The following STT3B variants were observed in gnomAD, a reference collection of about 807,000 sequenced individuals.
STT3B encodes STT3 oligosaccharyltransferase complex catalytic subunit B, also known as dolichyl-diphosphooligosaccharide--protein glycosyltransferase subunit STT3B.
In STT3B, 29 loss-of-function variants were observed where a neutral mutation model predicts 96.8. The ratio of observed to expected loss-of-function variants is 0.30; its 90% confidence interval spans 0.22 to 0.41. The LOEUF (loss-of-function observed/expected upper bound fraction) is 0.41, where lower values mean the gene tolerates loss of function less well. Among genes scored for constraint, STT3B ranks in the 10% least tolerant of loss-of-function variants. The pLI, the probability that STT3B is intolerant of heterozygous loss-of-function variation, is 1.00. For missense variants in STT3B, 640 were observed against 1,022.3 expected (o/e 0.63, Z 5.10); for synonymous variants, 367 against 360.0 (o/e 1.02, Z -0.22).
intron 5 of STT3B, among the ~76,000 whole-genome samples, chr3:31,608,045 A>G (rs1320646076): frequency 1.3e-5 from 2 of 152,182 alleles, no homozygotes; most frequent in African/African-American, 4.8e-5. Context: ...GAGGCTGTAC[A>G]GTTTTATGTT....
intron 5 of STT3B, among the ~76,000 whole-genome samples, chr3:31,602,843 A>G (rs1010585838): frequency 1.3e-5 from 2 of 152,100 alleles, no homozygotes; most frequent in African/African-American, 4.8e-5. Context: ...TCTTTTACTT[A>G]TAATTATCCA....
Position 31,636,121 on chromosome 3 carries a change from C to T in STT3B, c.*57C>T. ...TTGTCCTTGTGAGAACCGGTCTTTG[C>T]CTTTAGCTCATGTCGTGTTTCACAG... is the stretch of plus-strand genomic sequence containing the variant. On this transcript the variant is annotated 3_prime_UTR_variant, in exon 16 of 16. Transcript: ENST00000295770. The T allele has an allele frequency of 7.5e-7, 1 of 1,333,890 alleles. No individual in the cohort carries two copies. Among genetic ancestry groups the T allele is most frequent in the Non-Finnish European group, 1.0e-6 (1 of 964,838 alleles). The allele number at this position is 1,333,890 out of a possible 1,614,324, so 82.6% of individuals were successfully genotyped here. A position where few individuals can be genotyped will look rare whatever the true frequency, so the allele number is the denominator to read the frequency against.
At chr3:31,533,441 C>T in intron 1 of STT3B, 129 bp downstream of exon 1, 1 of 1,184,854 alleles carries the variant, frequency 8.4e-7, no homozygotes, top group Non-Finnish European at 1.1e-6. Flanking sequence ...CTGGCTGAGG[C>T]CGGCGCGGAT....
intron 5 of STT3B, among the ~76,000 whole-genome samples, chr3:31,614,658 T>C (rs1158635745): frequency 6.6e-6 from 1 of 151,962 alleles, no homozygotes; most frequent in Non-Finnish European, 1.5e-5. Flanking sequence ...TATGAACTAC[T>C]TCAGAGCTTT....
At chr3:31,596,185 T>C (rs1457815249) in intron 3 of STT3B, among the ~76,000 whole-genome samples, 1 of 152,230 alleles carries the variant, frequency 6.6e-6, no homozygotes, top group African/African-American at 2.4e-5. Context: ...TAGTTAGTGG[T>C]TGTAAAATAT....
chr3:31,610,694 A>G (rs1400041909), intron 5 of STT3B, among the ~76,000 whole-genome samples: 1 of 152,190 alleles, frequency 6.6e-6, no homozygotes, highest in East Asian at 1.9e-4. Context: ...ATTTCCAAGA[A>G]TGTAGACATC....
In STT3B at chr3:31,584,318, G is replaced by T. The variant is rs528643491; in HGVS notation, c.711+4222G>T. Among the ~76,000 whole-genome samples, 3 of 152,238 alleles carry T rather than the reference G, an allele frequency of 2.0e-5. No individual in the cohort carries two copies. The South Asian group carries it at 6.2e-4, about 32-fold the overall frequency. On this transcript the variant is annotated intron_variant, in intron 3 of 15. Coordinates refer to ENST00000295770, the MANE Select transcript of STT3B (RefSeq NM_178862.3). ...TTTATGCCACTACCGCACAGTTTTGGTTACTGTAGCTTTGTAATGAGTTTT... is the reference window on the plus strand; with the variant it reads ...TTTATGCCACTACCGCACAGTTTTGTTTACTGTAGCTTTGTAATGAGTTTT...
chr3:31,593,976 TTA>T (rs1183809325), intron 3 of STT3B, among the ~76,000 whole-genome samples: 1 of 152,144 alleles, frequency 6.6e-6, no homozygotes, highest in East Asian at 1.9e-4. Context: ...TTTGCATGTC[TTA>T]TAGTTTTGGG....
At chr3:31,606,853 A>G (rs935701256) in intron 5 of STT3B, among the ~76,000 whole-genome samples, 11 of 152,176 alleles carry the variant, frequency 7.2e-5, no homozygotes, top group African/African-American at 1.2e-4. Flanking sequence ...CAGACACTCA[A>G]TGCTAGCCCA....
chr3:31,623,984 TTTA>T, intron 11 of STT3B, 123 bp downstream of exon 11: 1 of 837,396 alleles, frequency 1.2e-6, no homozygotes, highest in Non-Finnish European at 1.8e-6. Flanking sequence ...TTTTTAATTT[TTTA>T]TTTTAATTTT....
chr3:31,614,234 C>T (rs1209376443), intron 5 of STT3B, among the ~76,000 whole-genome samples: 10 of 151,880 alleles, frequency 6.6e-5, no homozygotes, highest in Non-Finnish European at 1.0e-4. Flanking sequence ...TTGCCAAAAA[C>T]TATTAAATGA....
chr3:31,578,462 T>A (rs1698305559), intron 2 of STT3B, among the ~76,000 whole-genome samples: 2 of 152,152 alleles, frequency 1.3e-5, no homozygotes, highest in Non-Finnish European at 2.9e-5. Context: ...CATTTAGTAC[T>A]TCTATGAATC....
Position 31,623,857 on chromosome 3 carries a change from G to A in STT3B, c.1723G>A (p.Asp575Asn). The A allele has an allele frequency of 6.3e-7, 1 of 1,588,620 alleles. No individual in the cohort carries two copies. The highest frequency in any genetic ancestry group is 8.6e-7 in the Non-Finnish European group (1 of 1,164,518). The change falls in exon 11 of 16, where the codon GAT (aspartate) becomes AAT (asparagine). Residue 575 changes from aspartate to asparagine, a missense_variant. By Grantham distance (23) the Asp-to-Asn change is conservative. Around this residue, in one of 8 missense-constraint regions of STT3B, gnomAD observed 149 missense variants for 250.2 expected, o/e 0.60. Coordinates refer to ENST00000295770, the MANE Select transcript of STT3B (RefSeq NM_178862.3). ...PSVVLASYNHDGTRNILDDFR... is the reference protein window; with the variant it reads ...PSVVLASYNHNGTRNILDDFR... ...TGTAGTCCTGGCCTCATACAATCAT[G>A]ATGGGTAAGAAAATAACTCGGATAC...
At chr3:31,582,987 T>C (rs1267095238) in intron 3 of STT3B, among the ~76,000 whole-genome samples, 1 of 152,202 alleles carries the variant, frequency 6.6e-6, no homozygotes, top group East Asian at 1.9e-4. Context: ...AAATGTCCCA[T>C]GTGTACTTGA....
At chr3:31,582,342 G>A in intron 3 of STT3B, among the ~76,000 whole-genome samples, 1 of 145,892 alleles carries the variant, frequency 6.9e-6, no homozygotes, top group East Asian at 2.0e-4. Context: ...CTGTTGCCCA[G>A]GCTGGAGTGC....
At chr3:31,544,163 C>T (rs764053438) in intron 1 of STT3B, among the ~76,000 whole-genome samples, 1 of 152,176 alleles carries the variant, frequency 6.6e-6, no homozygotes, top group Non-Finnish European at 1.5e-5. Context: ...CATTTGGTTT[C>T]ATGGCTCTTG....
chr3:31,626,625 G>T (rs571253386), intron 13 of STT3B, among the ~76,000 whole-genome samples: 1 of 152,236 alleles, frequency 6.6e-6, no homozygotes, highest in East Asian at 1.9e-4. Flanking sequence ...GTCAACTTGG[G>T]CAAGTTATTT....
At chr3:31,578,621 A>G (rs1394691455) in intron 2 of STT3B, among the ~76,000 whole-genome samples, 1 of 151,982 alleles carries the variant, frequency 6.6e-6, no homozygotes, top group Non-Finnish European at 1.5e-5. Context: ...TTGAATCTGA[A>G]GTAGAACAGA....
At chr3:31,572,022 A>ATATATATTAATATATGATATAT (rs1698158400) in intron 1 of STT3B, among the ~76,000 whole-genome samples, 1 of 40,350 alleles carries the variant, frequency 2.5e-5, no homozygotes, top group Non-Finnish European at 1.0e-4. Context: ...AAACATATTA[A>ATATATATTAATATATGATATAT]TATATATTAA....
Sources: gnomAD v4.1 joint callset for allele counts (sites outside exome capture counted in the v4.1 genomes callset) on GRCh38, gnomAD v4.1.1 for gene constraint, gnomAD v4.1.1 regional missense constraint, MANE v1.5 for transcripts, NCBI Gene and HGNC (gene_info 2026-07-23, HGNC 2026-07-21) for gene names.